Variants in GAB2 observed in about 807,000 individuals in gnomAD.
GAB2 encodes GRB2-associated-binding protein 2.
GAB2 carries 26 observed loss-of-function variants against 65.5 expected under a neutral mutation model. That is an observed-to-expected ratio of 0.40 (90% CI 0.29 to 0.55). The LOEUF (loss-of-function observed/expected upper bound fraction) is 0.55, where lower values mean the gene tolerates loss of function less well. Among genes scored for constraint, GAB2 ranks in the 20% least tolerant of loss-of-function variants. The pLI, the probability that GAB2 is intolerant of heterozygous loss-of-function variation, is 0.53. For missense variants in GAB2, 884 were observed against 875.8 expected (o/e 1.01, Z -0.12); for synonymous variants, 321 against 329.6 (o/e 0.97, Z 0.28).
At chr11:78,300,295 A>G (rs1219215953) in intron 1 of GAB2, among the ~76,000 whole-genome samples, 2 of 152,146 alleles carry the variant, frequency 1.3e-5, no homozygotes, top group Admixed American at 1.3e-4. Flanking sequence ...TCAGTAGTTT[A>G]AAAAATTGCT....
intron 1 of GAB2, among the ~76,000 whole-genome samples, chr11:78,291,738 T>A (rs927753813): frequency 2.4e-5 from 2 of 81,880 alleles, no homozygotes; most frequent in Non-Finnish European, 4.3e-5. Flanking sequence ...ACCCAGTTAA[T>A]TTTTTTTTTT....
At chr11:78,388,386 G>T (rs1388189800) in intron 1 of GAB2, among the ~76,000 whole-genome samples, 1 of 149,984 alleles carries the variant, frequency 6.7e-6, no homozygotes, top group East Asian at 2.0e-4. Flanking sequence ...GAGTGCAGTG[G>T]CATGATCACA....
In GAB2 at chr11:78,226,484, G is replaced by A; in HGVS notation, c.1188C>T (p.Asp396=). 6.2e-7 allele frequency: 1 copy of A among 1,613,488 alleles called. No individual in the cohort carries two copies. The highest frequency in any genetic ancestry group is 8.5e-7 in the Non-Finnish European group (1 of 1,179,448). The change falls in exon 4 of 10, where the codon GAC becomes GAT. Residue 396 remains aspartate (D), a synonymous_variant. Transcript: ENST00000361507. The part of the protein sequence containing the change: ...IPRRNTLPAM[D]NSRLHRASSC... The stretch of plus-strand genomic sequence containing the variant: ...ACTGACCTCGGTGAAGTCGGCTGTT[G>A]TCCATTGCAGGGAGGGTGTTGCGTC...
chr11:78,293,594 T>C (rs1481648250), intron 1 of GAB2, among the ~76,000 whole-genome samples: 2 of 152,170 alleles, frequency 1.3e-5, no homozygotes, highest in Admixed American at 1.3e-4. Flanking sequence ...GAGTAGATCA[T>C]GGTAATCTAG....
At chr11:78,371,569 A>C (rs1856571752) in intron 1 of GAB2, among the ~76,000 whole-genome samples, 1 of 152,142 alleles carries the variant, frequency 6.6e-6, no homozygotes, top group Admixed American at 6.5e-5. Context: ...TCTGCCCAAC[A>C]TTGTTTATAT....
intron 3 of GAB2, among the ~76,000 whole-genome samples, chr11:78,231,420 C>A (rs945154108): frequency 6.6e-6 from 1 of 151,756 alleles, no homozygotes; most frequent in Non-Finnish European, 1.5e-5. Context: ...GCAATCTTGG[C>A]TCACTGCAAC....
chr11:78,263,636 G>GAAA (rs61518720), intron 2 of GAB2, among the ~76,000 whole-genome samples: 5,107 of 129,088 alleles, frequency 0.04, 286 homozygotes, highest in African/African-American at 0.13. Context: ...CTGTCTGGGG[G>GAAA]AAAAAAAAAA....
intron 1 of GAB2, among the ~76,000 whole-genome samples, chr11:78,385,637 T>C (rs921454242): frequency 4.6e-5 from 7 of 152,230 alleles, no homozygotes; most frequent in Non-Finnish European, 7.3e-5. Context: ...AGCAGCCTTA[T>C]ACTTGTAGCA....
At chr11:78,361,489 G>A (rs772809212) in intron 1 of GAB2, among the ~76,000 whole-genome samples, 14 of 150,446 alleles carry the variant, frequency 9.3e-5, no homozygotes, top group Non-Finnish European at 1.3e-4. Context: ...TAAATATTTC[G>A]CTAAAATTCA....
In GAB2 at chr11:78,220,458, G is replaced by GA. The variant is rs773471807; in HGVS notation, c.1762-15dup. ...CACTGGGTTTTGCTGTCACGAGGAGGAAAAAACTGTGAGTGACTGCAGAAA... is the reference window on the plus strand; with the variant it reads ...CACTGGGTTTTGCTGTCACGAGGAGGAAAAAAACTGTGAGTGACTGCAGAAA... On this transcript the variant is annotated splice_polypyrimidine_tract_variant and intron_variant, in intron 8 of 9. Transcript: ENST00000361507. 1.9e-6 allele frequency: 3 copies of GA among 1,551,136 alleles called. No homozygotes were observed. The highest frequency in any genetic ancestry group is 2.6e-6 in the Non-Finnish European group (3 of 1,142,912).
intron 1 of GAB2, among the ~76,000 whole-genome samples, chr11:78,292,583 CTAATA>C (rs1298311594): frequency 2.0e-5 from 3 of 152,170 alleles, no homozygotes; most frequent in Non-Finnish European, 4.4e-5. Context: ...CAAGTCTATC[CTAATA>C]TATTTCAACA....
chr11:78,298,936 C>T (rs1293798475), intron 1 of GAB2, among the ~76,000 whole-genome samples: 1 of 152,182 alleles, frequency 6.6e-6, no homozygotes, highest in Non-Finnish European at 1.5e-5. Context: ...AATTAGCTCA[C>T]TACTGTCTTC....
At chr11:78,268,735 TAA>T (rs530276951) in intron 2 of GAB2, among the ~76,000 whole-genome samples, 150 of 127,574 alleles carry the variant, frequency 1.2e-3, no homozygotes, top group African/African-American at 1.5e-3. Flanking sequence ...GTCTGGTATT[TAA>T]AAAAAAAAAA....
rs143799537 is a variant in GAB2, at chr11:78,415,127, C to A, written c.75+2519G>T. ...CCTCCAGTGATCCACCCGCCTCAGC[C>A]TCCCAAAGTGCTGGGATTACAGGCA... is the stretch of plus-strand genomic sequence containing the variant. On this transcript the variant is annotated intron_variant, in intron 1 of 9. Transcript: ENST00000361507. 8.9e-3 allele frequency among the ~76,000 whole-genome samples: 1,359 copies of A among 152,350 alleles called. 5 individuals carry two copies. Among genetic ancestry groups the A allele is most frequent in the Non-Finnish European group, 0.016 (1,059 of 68,038 alleles).
intron 1 of GAB2, among the ~76,000 whole-genome samples, chr11:78,354,308 G>T (rs1041440094): frequency 2.6e-5 from 4 of 152,046 alleles, no homozygotes; most frequent in African/African-American, 9.7e-5. Context: ...TTACTTCTCT[G>T]TATTTTAAAG....
At chr11:78,254,893 C>A (rs977788274) in intron 2 of GAB2, among the ~76,000 whole-genome samples, 30 of 151,908 alleles carry the variant, frequency 2.0e-4, no homozygotes, top group Non-Finnish European at 3.4e-4. Context: ...CAAAATCCCA[C>A]TTCTGCTTGC....
chr11:78,257,535 T>C (rs148036235), intron 2 of GAB2, among the ~76,000 whole-genome samples: 6 of 152,352 alleles, frequency 3.9e-5, no homozygotes, highest in African/African-American at 9.6e-5. Context: ...TTTTATATCA[T>C]GCATTTAGCC....
At chr11:78,313,833 T>C (rs1228425413) in intron 1 of GAB2, among the ~76,000 whole-genome samples, 2 of 152,216 alleles carry the variant, frequency 1.3e-5, no homozygotes, top group Admixed American at 1.3e-4. Context: ...CCCTGGGGCC[T>C]CTACAAATTG....
At chr11:78,247,114 T>C (rs756242489) in intron 3 of GAB2, among the ~76,000 whole-genome samples, 9 of 152,216 alleles carry the variant, frequency 5.9e-5, no homozygotes, top group African/African-American at 2.2e-4. Flanking sequence ...CCATTTGCAC[T>C]GTGCTACTTT....
Sources: gnomAD v4.1 joint callset for allele counts (sites outside exome capture counted in the v4.1 genomes callset) on GRCh38, gnomAD v4.1.1 for gene constraint, MANE v1.5 for transcripts, NCBI Gene and HGNC (gene_info 2026-07-23, HGNC 2026-07-21) for gene names.